The following ERICH1 variants were observed in gnomAD, a reference collection of about 807,000 sequenced individuals.
ERICH1 encodes the protein glutamate rich 1.
Under a neutral mutation model 39.6 loss-of-function variants are expected in ERICH1, and 56 were observed. The ratio of observed to expected loss-of-function variants is 1.41; its 90% CI spans 1.14 to 1.77. ERICH1 has a LOEUF of 1.77. Ranked by LOEUF, ERICH1 falls within the 40% of genes most tolerant of loss-of-function variation. The pLI, the probability that ERICH1 is intolerant of heterozygous loss-of-function variation, is 0.00. For synonymous variants in ERICH1, 313 were observed against 223.6 expected (o/e 1.40, Z -3.57); for missense variants, 826 against 575.4 (o/e 1.44, Z -4.45).
Position 689,314 on chromosome 8 carries a change from T to C in ERICH1, c.304+3164A>G, listed in dbSNP as rs564423159. 6.6e-5 allele frequency among the ~76,000 whole-genome samples: 10 copies of C among 152,382 alleles called. No individual in the cohort carries two copies. The East Asian group carries it at 1.7e-3, about 26-fold the overall frequency. ...TTAGTAGAGACAGGGTTTCGCCATG[T>C]TGGCCAGGCTGTTCTCAAACTCCTG... On this transcript the variant is annotated intron_variant, in intron 3 of 5. Coordinates refer to ENST00000262109, the MANE Select transcript of ERICH1 (RefSeq NM_207332.3).
intron 3 of ERICH1, among the ~76,000 whole-genome samples, chr8:685,546 C>T (rs145202883): frequency 1.7e-4 from 26 of 152,222 alleles, no homozygotes; most frequent in African/African-American, 6.3e-4. Context: ...GATACATGTC[C>T]ATGAAATCTT....
At chr8:713,693 G>C (rs1040370987) in intron 2 of ERICH1, among the ~76,000 whole-genome samples, 2 of 152,158 alleles carry the variant, frequency 1.3e-5, no homozygotes, top group Non-Finnish European at 1.5e-5. Context: ...GACCTGTGGG[G>C]CTGGAAGGTG....
intron 3 of ERICH1, among the ~76,000 whole-genome samples, chr8:687,811 A>G (rs1243173479): frequency 6.6e-6 from 1 of 151,976 alleles, no homozygotes; most frequent in Non-Finnish European, 1.5e-5. Flanking sequence ...CCACGGAGGA[A>G]TCGGGGGCGA....
chr8:632,175 G>A (rs563626334), intron 3 of ERICH1, among the ~76,000 whole-genome samples: 2 of 152,288 alleles, frequency 1.3e-5, no homozygotes, highest in Middle Eastern at 3.4e-3. Flanking sequence ...CTTTTCCTCA[G>A]TCTTGAATTT....
At chr8:626,748 C>G (rs1253082159) in intron 3 of ERICH1, 3 of 196,048 alleles carry the variant, frequency 1.5e-5, no homozygotes, top group East Asian at 2.0e-4. Context: ...ATCCTGAGCC[C>G]CTGGACTCCT....
chr8:725,247 C>G (rs1818323583), intron 1 of ERICH1: 1 of 171,016 alleles, frequency 5.8e-6, no homozygotes, highest in African/African-American at 2.4e-5. Context: ...CTGCTCTGTT[C>G]TCACAGGCAC....
At chr8:644,016 G>A (rs188785461) in intron 3 of ERICH1, among the ~76,000 whole-genome samples, 82 of 152,352 alleles carry the variant, frequency 5.4e-4, no homozygotes, top group Non-Finnish European at 1.1e-3. Context: ...AGTCCTGTGG[G>A]CTTGGTGGGG....
intron 3 of ERICH1, among the ~76,000 whole-genome samples, chr8:629,708 A>G (rs1366523233): frequency 6.8e-6 from 1 of 146,034 alleles, no homozygotes; most frequent in Non-Finnish European, 1.5e-5. Flanking sequence ...GACCACCCAC[A>G]CAGACAGAGC....
intron 3 of ERICH1, among the ~76,000 whole-genome samples, chr8:633,622 G>A (rs910526250): frequency 1.3e-5 from 2 of 152,158 alleles, no homozygotes; most frequent in Non-Finnish European, 2.9e-5. Context: ...CACATTTCCT[G>A]ATTCAAAATT....
At position 708,056 on chromosome 8, in the gene ERICH1, C is replaced by T. The variant is rs188331808; in HGVS notation, c.169+7805G>A. Among the ~76,000 whole-genome samples, 627 of 152,050 alleles carry T rather than the reference C, an allele frequency of 4.1e-3. 5 individuals carry two copies. Among genetic ancestry groups the T allele is most frequent in the African/African-American group, 0.014 (594 of 41,454 alleles). ...GGGAAAGATGCTCAACATTCTCAGT[C>T]ATCAGAAAAATGGAAAACCACAATG... On this transcript the variant is annotated intron_variant, in intron 2 of 5. Coordinates refer to ENST00000262109, the MANE Select transcript of ERICH1 (RefSeq NM_207332.3).
At chr8:714,946 G>A (rs1301473308) in intron 2 of ERICH1, among the ~76,000 whole-genome samples, 11 of 152,278 alleles carry the variant, frequency 7.2e-5, no homozygotes, top group Non-Finnish European at 1.3e-4. Flanking sequence ...CCACCCAGGT[G>A]TTCTCTTCCC....
At chr8:724,921 T>C (rs1457545580) in intron 1 of ERICH1, among the ~76,000 whole-genome samples, 1 of 152,120 alleles carries the variant, frequency 6.6e-6, no homozygotes, top group African/African-American at 2.4e-5. Context: ...GAGCCACGGC[T>C]GCCCCATTGT....
intron 3 of ERICH1, among the ~76,000 whole-genome samples, chr8:678,994 A>C (rs1191086439): frequency 6.6e-6 from 1 of 151,478 alleles, no homozygotes; most frequent in African/African-American, 2.4e-5. Flanking sequence ...CACAGCTTTG[A>C]TCCCTCACAG....
chr8:707,099 A>AAAACAAGATGGTGGATGGT (rs1230170045), intron 2 of ERICH1, among the ~76,000 whole-genome samples: 1 of 152,200 alleles, frequency 6.6e-6, no homozygotes, highest in African/African-American at 2.4e-5. Context: ...TACAGCAATC[A>AAAACAAGATGGTGGATGGT]AAACAAGATG....
chr8:682,819 G>C (rs1806433477), intron 3 of ERICH1, among the ~76,000 whole-genome samples: 1 of 152,182 alleles, frequency 6.6e-6, no homozygotes, highest in Non-Finnish European at 1.5e-5. Context: ...CGTGAAAGTA[G>C]GCTAGGCATT....
chr8:639,015 C>T (rs1033761038), intron 3 of ERICH1, among the ~76,000 whole-genome samples: 44 of 152,260 alleles, frequency 2.9e-4, no homozygotes, highest in African/African-American at 1.1e-3. Context: ...CCCACCTGCC[C>T]ACAACACTGC....
At chr8:723,458 AC>A (rs1817813263) in intron 1 of ERICH1, among the ~76,000 whole-genome samples, 1 of 152,244 alleles carries the variant, frequency 6.6e-6, no homozygotes. Context: ...AGAAATTTCC[AC>A]CATGGCCAGC....
At chr8:641,725 C>G (rs769041321) in intron 3 of ERICH1, among the ~76,000 whole-genome samples, 1 of 152,190 alleles carries the variant, frequency 6.6e-6, no homozygotes, top group African/African-American at 2.4e-5. Context: ...ACCCCTCCCC[C>G]TCCCCGCCGA....
chr8:637,270 T>G (rs1354718637), intron 3 of ERICH1, among the ~76,000 whole-genome samples: 4 of 152,210 alleles, frequency 2.6e-5, no homozygotes, highest in Non-Finnish European at 4.4e-5. Flanking sequence ...GCATCCTGCA[T>G]TCCTAGCTGC....
Sources: allele counts gnomAD v4.1 joint callset (sites outside exome capture counted in the v4.1 genomes callset), GRCh38; gene constraint gnomAD v4.1.1; transcripts MANE v1.5; gene names NCBI Gene and HGNC (gene_info 2026-07-23, HGNC 2026-07-21).